Variants in RFC1 observed in about 807,000 individuals in gnomAD.
RFC1 encodes A1 140 kDa subunit.
In RFC1, 37 loss-of-function variants were observed where a neutral mutation model predicts 137.4. The observed-to-expected ratio is 0.27, with a 90% CI of 0.21 to 0.35. The LOEUF is 0.35. RFC1 is among the 10% of genes least tolerant of loss of function. The pLI is 1.00. For synonymous variants in RFC1, 429 were observed against 455.7 expected (o/e 0.94, Z 0.75); for missense variants, 1,205 against 1,358.5 (o/e 0.89, Z 1.78).
chr4:39,308,504 G>T (rs1373761442), intron 13 of RFC1, 132 bp downstream of exon 13: 3 of 1,257,672 alleles, frequency 2.4e-6, no homozygotes, highest in Non-Finnish European at 1.1e-6. Context: ...TACTGCACCT[G>T]GGTTCAGATC....
intron 22 of RFC1, 44 bp from the exon 23 acceptor site, chr4:39,291,896 A>G: frequency 7.2e-7 from 1 of 1,397,692 alleles, no homozygotes; most frequent in East Asian, 2.3e-5. Context: ...CAAAGTATCA[A>G]CTCAAGTCAT....
At chr4:39,318,277 ATGT>A (rs1334408822) in intron 9 of RFC1, among the ~76,000 whole-genome samples, 1 of 152,218 alleles carries the variant, frequency 6.6e-6, no homozygotes, top group Admixed American at 6.5e-5. Flanking sequence ...TGGTTCTCAA[ATGT>A]TGGTGTGTGT....
chr4:39,305,633 C>G (rs1738601638), intron 14 of RFC1, among the ~76,000 whole-genome samples: 1 of 151,762 alleles, frequency 6.6e-6, no homozygotes, highest in South Asian at 2.1e-4. Flanking sequence ...AATAAGATAT[C>G]AAAAAGTAAT....
In RFC1 at chr4:39,291,865, C is replaced by T. The variant is rs1211319736; in HGVS notation, c.2955-13G>A. 2 of 1,596,508 alleles carry T rather than the reference C, an allele frequency of 1.3e-6. No individual in the cohort carries two copies. The highest frequency in any genetic ancestry group is 1.7e-6 in the Non-Finnish European group (2 of 1,164,070). ...GCTGGAGTAAGTTCTGAAACCACAACAAAAGAGACATAGTCAACAGCAAAG... is the reference window on the plus strand; with the variant it reads ...GCTGGAGTAAGTTCTGAAACCACAATAAAAGAGACATAGTCAACAGCAAAG... On this transcript the variant is annotated splice_polypyrimidine_tract_variant and intron_variant, in intron 22 of 24. Transcript: ENST00000349703.
At chr4:39,319,139 G>A (rs1455650843) in intron 9 of RFC1, among the ~76,000 whole-genome samples, 2 of 152,118 alleles carry the variant, frequency 1.3e-5, no homozygotes, top group Non-Finnish European at 2.9e-5. Flanking sequence ...TAGTTAAGAT[G>A]GCACTTATTA....
chr4:39,292,643 T>C (rs541238713), intron 22 of RFC1, among the ~76,000 whole-genome samples: 75 of 150,852 alleles, frequency 5.0e-4, no homozygotes, highest in Non-Finnish European at 8.4e-4. Context: ...TATTTATTTA[T>C]TTATTTATTT....
At position 39,310,042 on chromosome 4, in the gene RFC1, C is replaced by A. The variant is rs371346023; in HGVS notation, c.1489-1010G>T. Among the ~76,000 whole-genome samples, 10 of 152,266 alleles carry A rather than the reference C, an allele frequency of 6.6e-5. No individual in the cohort carries two copies. In the South Asian group the frequency reaches 2.1e-3, roughly 32 times the overall value. On this transcript the variant is annotated intron_variant, in intron 12 of 24. Transcript: ENST00000349703. ...TCTTAACCAAATAATCAAGATTATC[C>A]TCACTAATAATAAGACGTTATTGAC...
intron 21 of RFC1, among the ~76,000 whole-genome samples, chr4:39,299,586 C>T (rs527982633): frequency 1.9e-3 from 274 of 142,474 alleles, no homozygotes; most frequent in Non-Finnish European, 3.3e-3. Context: ...GCACTCCAGC[C>T]TGGGCAACAC....
chr4:39,366,290 AG>A lies in RFC1; in HGVS notation c.-50del, dbSNP rs1742027211. The A allele has an allele frequency of 2.6e-6, 4 of 1,515,446 alleles. No homozygotes were observed. The highest frequency in any genetic ancestry group is 3.5e-6 in the Non-Finnish European group (4 of 1,130,648). The allele number at this position is 1,515,446 out of a possible 1,614,324, so 93.9% of individuals were successfully genotyped here. ...GGCTGGCTGGCGGGTGGGCCGGTTG[AG>A]GAATCTGTTATCGAGGCTCAGGATC... On this transcript the variant is annotated 5_prime_UTR_variant, in exon 1 of 25. Transcript: ENST00000349703.
Position 39,300,047 on chromosome 4 carries a change from G to C in RFC1, c.2782C>G (p.Gln928Glu), listed in dbSNP as rs1738263258. Residue 928 changes from glutamine (Q) to glutamate (E), a missense_variant, in exon 21 of 25, where the codon CAA (glutamine) becomes GAA (glutamate). Physicochemically the swap from Gln to Glu is conservative, Grantham distance 29 (BLOSUM62 2). Around this residue, in one of 3 missense-constraint regions of RFC1, gnomAD observed 237 missense variants for 304.2 expected, o/e 0.78. Transcript: ENST00000349703. ...TGCGCAGGCAGAAGACTCCAGTTTT[G>C]CTTACTCCGGATCTGGCTGTCCACT... ...DLVDSQIRSK[Q>E]NWSLLPAQAI... 1 of 1,613,628 alleles carries C rather than the reference G, an allele frequency of 6.2e-7. No individual in the cohort carries two copies. The highest frequency in any genetic ancestry group is 1.7e-4 in the Middle Eastern group (1 of 6,054).
At position 39,326,559 on chromosome 4, in the gene RFC1, A is replaced by G. The variant is rs373036295; in HGVS notation, c.642+4T>C. 3.5e-5 allele frequency: 57 copies of G among 1,611,250 alleles called. No individual in the cohort carries two copies. In the African/African-American group the frequency reaches 6.5e-4, roughly 18 times the overall value. On this transcript the variant is annotated splice_donor_region_variant and intron_variant, in intron 6 of 24. Transcript: ENST00000349703. The stretch of plus-strand genomic sequence containing the variant: ...ACTAATGATTCTAAGCAAAATGCCA[A>G]TACCTCCGCATCTTCATCAAGCTGT...
intron 4 of RFC1, among the ~76,000 whole-genome samples, chr4:39,328,676 A>T (rs6531712): frequency 0.42 from 64,535 of 151,984 alleles, 16,306 homozygotes; most frequent in East Asian, 0.63. Flanking sequence ...TAGGGGCCAA[A>T]TCCTGGAGGA....
At chr4:39,324,312 G>A (rs1044744640) in intron 6 of RFC1, among the ~76,000 whole-genome samples, 1 of 152,132 alleles carries the variant, frequency 6.6e-6, no homozygotes, top group Non-Finnish European at 1.5e-5. Context: ...TCCTTAATCA[G>A]ATTAATAAAT....
At chr4:39,303,189 C>A in intron 15 of RFC1, 38 bp from the exon 16 acceptor site, 1 of 1,371,280 alleles carries the variant, frequency 7.3e-7, no homozygotes, top group African/African-American at 1.4e-5. Context: ...GAGACAAAAA[C>A]AAAATAACAA....
intron 1 of RFC1, among the ~76,000 whole-genome samples, chr4:39,354,749 C>CAAAAA (rs34342477): frequency 1.6e-4 from 8 of 50,998 alleles, no homozygotes; most frequent in Admixed American, 2.5e-4. Context: ...GAAACTATCT[C>CAAAAA]AAAAAAAAAA....
chr4:39,302,421 G>C, intron 18 of RFC1, 45 bp from the exon 19 acceptor site: 1 of 1,532,340 alleles, frequency 6.5e-7, no homozygotes, highest in South Asian at 1.1e-5. Flanking sequence ...GGAAAATCCT[G>C]TTGCTCCCCA....
chr4:39,291,875 A>G (rs1256628692), intron 22 of RFC1, 23 bp from the exon 23 acceptor site: 2 of 1,561,958 alleles, frequency 1.3e-6, no homozygotes, highest in Admixed American at 1.7e-5. Context: ...CAAAAGAGAC[A>G]TAGTCAACAG....
chr4:39,364,001 A>G (rs1230876981), intron 1 of RFC1, among the ~76,000 whole-genome samples: 1 of 150,536 alleles, frequency 6.6e-6, no homozygotes, highest in African/African-American at 2.4e-5. Context: ...GATCGCTTGT[A>G]CCCCGGAATT....
chr4:39,327,145 T>C (rs1426815613), intron 5 of RFC1, among the ~76,000 whole-genome samples: 6 of 152,218 alleles, frequency 3.9e-5, no homozygotes, highest in African/African-American at 1.2e-4. Flanking sequence ...AGGTCACAAG[T>C]GTAGCATAGG....
Sources: gnomAD v4.1 joint callset for allele counts (sites outside exome capture counted in the v4.1 genomes callset) on GRCh38, gnomAD v4.1.1 for gene constraint, gnomAD v4.1.1 regional missense constraint, MANE v1.5 for transcripts, NCBI Gene and HGNC (gene_info 2026-07-23, HGNC 2026-07-21) for gene names.